The following LRRC7 variants were observed in gnomAD, a reference collection of about 807,000 sequenced individuals.
LRRC7 encodes the protein leucine rich repeat containing 7.
In LRRC7, 23 loss-of-function variants were observed where a neutral mutation model predicts 175.7. That is an observed-to-expected ratio of 0.13 (90% CI 0.09 to 0.19). The LOEUF is 0.19. Among genes scored for constraint, LRRC7 ranks in the 10% least tolerant of loss-of-function variants. The pLI, the probability that LRRC7 is intolerant of heterozygous loss-of-function variation, is 1.00. For missense variants in LRRC7, 1,354 were observed against 1,904.7 expected (o/e 0.71, Z 5.38); for synonymous variants, 685 against 680.9 (o/e 1.01, Z -0.09).
At chr1:69,573,603 C>T (rs1289928024) in intron 1 of LRRC7, among the ~76,000 whole-genome samples, 1 of 151,996 alleles carries the variant, frequency 6.6e-6, no homozygotes, top group Admixed American at 6.6e-5. Context: ...TATGATGATG[C>T]ACTTGATAAT....
chr1:69,600,920 C>T (rs2094037), intron 1 of LRRC7, among the ~76,000 whole-genome samples: 22,511 of 147,812 alleles, frequency 0.15, 1,858 homozygotes, highest in Admixed American at 0.19. Context: ...CAAGCTATTC[C>T]CCTGCCTCAA....
At chr1:70,021,461 G>A (rs1470804706) in intron 16 of LRRC7, 2 of 175,578 alleles carry the variant, frequency 1.1e-5, no homozygotes, top group Admixed American at 5.9e-5. Flanking sequence ...TACACACTAC[G>A]ATGATTTTTT....
intron 2 of LRRC7, among the ~76,000 whole-genome samples, chr1:69,691,921 C>T (rs1661939479): frequency 6.7e-6 from 1 of 149,892 alleles, no homozygotes; most frequent in Non-Finnish European, 1.5e-5. Flanking sequence ...TATTGCAAAA[C>T]AATTTTGAAA....
rs2102268960 is a variant in LRRC7 at position 70,131,600 on chromosome 1, A to T, written c.*9713A>T. 6.6e-6 allele frequency among the ~76,000 whole-genome samples: 1 copy of T among 152,322 alleles called. No individual in the cohort carries two copies. The highest frequency in any genetic ancestry group is 2.4e-5 in the African/African-American group (1 of 41,586). On this transcript the variant is annotated 3_prime_UTR_variant, in exon 27 of 27. Coordinates refer to ENST00000651989, the MANE Select transcript of LRRC7 (RefSeq NM_001370785.2). ...TTTTTAATTTCTTTGTATAAAGAGA[A>T]CTTGATAACTATCAAGTTAATTATG...
chr1:70,009,723 A>G (rs1342261444), intron 11 of LRRC7, among the ~76,000 whole-genome samples: 4 of 152,228 alleles, frequency 2.6e-5, no homozygotes, highest in Admixed American at 1.3e-4. Flanking sequence ...AAAAATGTTT[A>G]CTTAAGCAAT....
chr1:69,959,740 G>A (rs1190264359), intron 8 of LRRC7, among the ~76,000 whole-genome samples: 1 of 152,064 alleles, frequency 6.6e-6, no homozygotes, highest in African/African-American at 2.4e-5. Flanking sequence ...TACTAACACA[G>A]AAGGAAGGAT....
chr1:69,854,235 G>C (rs1057184383), intron 7 of LRRC7, among the ~76,000 whole-genome samples: 15 of 152,082 alleles, frequency 9.9e-5, no homozygotes, highest in African/African-American at 3.6e-4. Context: ...CACAGTGGCT[G>C]GTCTGTAATC....
In LRRC7 at chr1:70,136,089, G is replaced by C. The variant is rs1666859736; in HGVS notation, c.*14202G>C. ...TGTGTGTGTGTCTGTGTGTGTGTGT[G>C]TGTGTGTGTCTATATATCTTATCAG... is the stretch of plus-strand genomic sequence containing the variant. On this transcript the variant is annotated 3_prime_UTR_variant, in exon 27 of 27. Transcript: ENST00000651989. Among the ~76,000 whole-genome samples, 1 of 150,152 alleles carries C rather than the reference G, an allele frequency of 6.7e-6. No homozygotes were observed. Among genetic ancestry groups the C allele is most frequent in the Non-Finnish European group, 1.5e-5 (1 of 67,724 alleles).
chr1:70,121,766 T>C lies in LRRC7; in HGVS notation c.4621-14T>C, dbSNP rs781258329. 27 of 1,523,282 alleles carry C rather than the reference T, an allele frequency of 1.8e-5. No homozygotes were observed. In the South Asian group the frequency reaches 3.0e-4, roughly 17 times the overall value. The allele number at this position is 1,523,282 out of a possible 1,614,324, so 94.4% of individuals were successfully genotyped here. ...GTTTACATTGATTGCCCTGTTTTAT[T>C]TGTGTATTTACAGGCAAATGGACAC... On this transcript the variant is annotated splice_polypyrimidine_tract_variant and intron_variant, in intron 26 of 26. Transcript: ENST00000651989.
intron 11 of LRRC7, among the ~76,000 whole-genome samples, chr1:70,010,420 G>T (rs886839007): frequency 6.6e-6 from 1 of 152,008 alleles, no homozygotes; most frequent in African/African-American, 2.4e-5. Context: ...ACAAAAATTA[G>T]CTGGGCGTGG....
intron 1 of LRRC7, among the ~76,000 whole-genome samples, chr1:69,624,269 A>G (rs1278864259): frequency 6.6e-6 from 1 of 152,186 alleles, no homozygotes; most frequent in Non-Finnish European, 1.5e-5. Context: ...TCTTCTTGAT[A>G]ACTAATGATA....
chr1:69,865,327 G>GA (rs939479394), intron 7 of LRRC7, among the ~76,000 whole-genome samples: 2 of 151,956 alleles, frequency 1.3e-5, no homozygotes, highest in South Asian at 2.1e-4. Context: ...ATGCCTATCA[G>GA]AAAAAACGAG....
chr1:69,882,808 C>T (rs1570481664), intron 7 of LRRC7, among the ~76,000 whole-genome samples: 1 of 142,108 alleles, frequency 7.0e-6, no homozygotes, highest in East Asian at 2.2e-4. Flanking sequence ...ATTCCCCTTC[C>T]TGTGTCCATG....
At chr1:69,699,877 A>G (rs1045787552) in intron 2 of LRRC7, among the ~76,000 whole-genome samples, 58 of 152,332 alleles carry the variant, frequency 3.8e-4, no homozygotes, top group African/African-American at 1.4e-3. Context: ...GTGTGAGCCA[A>G]GCACCAGTCT....
chr1:69,802,468 CAT>C lies in LRRC7; in HGVS notation c.421+10309_421+10310del, dbSNP rs576324092. Reference sequence around the variant, plus strand: ...AATTGATTCCTTTATTATATAATGACATGTTTCTCTTTTGTTTTCACTGTTTT... The same window carrying C: ...AATTGATTCCTTTATTATATAATGACGTTTCTCTTTTGTTTTCACTGTTTT... On this transcript the variant is annotated intron_variant, in intron 4 of 26. Coordinates refer to ENST00000651989, the MANE Select transcript of LRRC7 (RefSeq NM_001370785.2). Among the ~76,000 whole-genome samples the C allele has an allele frequency of 7.1e-3, 1,080 of 151,298 alleles. 8 individuals carry two copies. The highest frequency in any genetic ancestry group is 8.3e-3 in the Non-Finnish European group (559 of 67,374).
Position 70,076,224 on chromosome 1 carries a change from A to G in LRRC7, c.4378A>G (p.Thr1460Ala), listed in dbSNP as rs751516677. 9.3e-6 allele frequency: 15 copies of G among 1,613,912 alleles called. No individual in the cohort carries two copies. The highest frequency in any genetic ancestry group is 1.6e-4 in the Middle Eastern group (1 of 6,084). The change falls in exon 24 of 27, where the codon ACC (threonine) becomes GCC (alanine). Residue 1460 changes from threonine (T) to alanine (A), a missense_variant. By Grantham distance (58) the Thr-to-Ala change is moderately conservative. Coordinates refer to ENST00000651989, the MANE Select transcript of LRRC7 (RefSeq NM_001370785.2). ...TATTCAGATCCCCTCTTCACAGGCC[A>G]CCCGGGGACCTCAGCCTGGACGGTG... ...LPIQIPSSQA[T>A]RGPQPGRCLI...
intron 26 of LRRC7, among the ~76,000 whole-genome samples, chr1:70,109,586 A>G (rs1665385064): frequency 6.6e-6 from 1 of 152,174 alleles, no homozygotes. Flanking sequence ...GAAGTTCTAT[A>G]TTTTTGGATA....
At chr1:69,964,417 A>T (rs1179189570) in intron 8 of LRRC7, among the ~76,000 whole-genome samples, 5 of 152,202 alleles carry the variant, frequency 3.3e-5, no homozygotes, top group African/African-American at 1.2e-4. Context: ...ACCTCCTGAG[A>T]TCATGCTCTT....
chr1:69,718,109 AAAAG>A lies in LRRC7; in HGVS notation c.100+39647_100+39650del, dbSNP rs1289507929. 5.5e-3 allele frequency among the ~76,000 whole-genome samples: 130 copies of A among 23,778 alleles called. 1 individual carries two copies. The highest frequency in any genetic ancestry group is 0.044 in the East Asian group (55 of 1,248). The allele number at this position is 23,778 out of a possible 152,430, so 15.6% of individuals were successfully genotyped here. A position where few individuals can be genotyped will look rare whatever the true frequency, so the allele number is the denominator to read the frequency against. ...GAAAAAGAAAGAGAAGAAAGAGAGAAAAAGAAAGAAAGAAAGAAAAGAAAGAAAG... is the reference window on the plus strand; with the variant it reads ...GAAAAAGAAAGAGAAGAAAGAGAGAAAAAGAAAGAAAGAAAAGAAAGAAAG... On this transcript the variant is annotated intron_variant, in intron 2 of 26. Coordinates refer to ENST00000651989, the MANE Select transcript of LRRC7 (RefSeq NM_001370785.2).
Sources: gnomAD v4.1 joint callset for allele counts (sites outside exome capture counted in the v4.1 genomes callset) on GRCh38, gnomAD v4.1.1 for gene constraint, MANE v1.5 for transcripts, NCBI Gene and HGNC (gene_info 2026-07-23, HGNC 2026-07-21) for gene names.